The following HSD17B12 variants were observed in gnomAD, a reference collection of about 807,000 sequenced individuals.
HSD17B12 encodes hydroxysteroid 17-beta dehydrogenase 12.
A neutral mutation model predicts 39.3 loss-of-function variants in HSD17B12; 32 were observed. That is an observed-to-expected ratio of 0.81 (90% CI 0.61 to 1.09). The LOEUF (loss-of-function observed/expected upper bound fraction) is 1.09. HSD17B12 is among the 50% of genes least tolerant of loss of function. The pLI is 0.00. For synonymous variants in HSD17B12, 150 were observed against 146.7 expected (o/e 1.02, Z -0.16); for missense variants, 342 against 382.9 (o/e 0.89, Z 0.89).
chr11:43,595,837 A>C, the HSD17B12 span, among the ~76,000 whole-genome samples: 1 of 152,216 alleles, frequency 6.6e-6, no homozygotes, highest in Non-Finnish European at 1.5e-5. Context: ...ACACACACAG[A>C]GCGAGAGAGA....
At chr11:43,598,840 T>G in the HSD17B12 span, among the ~76,000 whole-genome samples, 1 of 152,168 alleles carries the variant, frequency 6.6e-6, no homozygotes, top group Non-Finnish European at 1.5e-5. Flanking sequence ...CAGCCATATA[T>G]GTACCTGTGT....
At chr11:43,711,789 T>C (rs754193557) in intron 1 of HSD17B12, among the ~76,000 whole-genome samples, 6 of 152,158 alleles carry the variant, frequency 3.9e-5, no homozygotes, top group Non-Finnish European at 7.3e-5. Flanking sequence ...GTGTGATGTA[T>C]TAATTTGAAG....
chr11:43,757,655 A>ACAAAC (rs1402448877), intron 3 of HSD17B12, among the ~76,000 whole-genome samples: 18 of 143,050 alleles, frequency 1.3e-4, no homozygotes, highest in African/African-American at 4.1e-4. Context: ...AAAAAAAAAA[A>ACAAAC]AAAAAAAAAA....
chr11:43,838,678 G>A (rs1246461416), intron 8 of HSD17B12, among the ~76,000 whole-genome samples: 3 of 152,090 alleles, frequency 2.0e-5, no homozygotes, highest in Non-Finnish European at 2.9e-5. Flanking sequence ...GATTTTGAAA[G>A]TGATACTTGT....
intron 1 of HSD17B12, among the ~76,000 whole-genome samples, chr11:43,706,766 A>G (rs1950020200): frequency 1.3e-5 from 2 of 150,244 alleles, no homozygotes; most frequent in African/African-American, 4.9e-5. Flanking sequence ...CTGGTTTTAT[A>G]GGAGAAATAC....
the HSD17B12 span, among the ~76,000 whole-genome samples, chr11:43,560,410 G>A: frequency 6.6e-6 from 1 of 152,164 alleles, no homozygotes; most frequent in Non-Finnish European, 1.5e-5. Flanking sequence ...CAAATACAGG[G>A]AAGGAACATA....
chr11:43,750,570 T>C (rs933624722), intron 1 of HSD17B12, among the ~76,000 whole-genome samples: 51 of 152,142 alleles, frequency 3.4e-4, no homozygotes, highest in African/African-American at 1.2e-3. Flanking sequence ...TTAATGCATT[T>C]CTGTCTCTTG....
the HSD17B12 span, chr11:43,646,467 C>A: frequency 6.6e-6 from 1 of 152,160 alleles, no homozygotes; most frequent in Non-Finnish European, 1.5e-5. Context: ...CTTAGGAAGA[C>A]CGGATGGCTA....
intron 4 of HSD17B12, among the ~76,000 whole-genome samples, chr11:43,804,587 T>G (rs1012735572): frequency 3.3e-5 from 5 of 152,316 alleles, no homozygotes; most frequent in African/African-American, 9.6e-5. Flanking sequence ...TTTTAATTGG[T>G]GTCCTTCCTT....
At chr11:43,558,640 G>A in the HSD17B12 span, among the ~76,000 whole-genome samples, 1 of 152,084 alleles carries the variant, frequency 6.6e-6, no homozygotes, top group Non-Finnish European at 1.5e-5. Context: ...TGGTTCAGAT[G>A]AGCCTGGAAA....
intron 7 of HSD17B12, chr11:43,834,224 G>C (rs1422725838): frequency 1.3e-5 from 2 of 152,052 alleles, no homozygotes; most frequent in East Asian, 1.9e-4. Flanking sequence ...CTCAGTCTTC[G>C]TGAGCATCTG....
At chr11:43,845,191 C>T (rs554522410) in intron 9 of HSD17B12, among the ~76,000 whole-genome samples, 1 of 152,306 alleles carries the variant, frequency 6.6e-6, no homozygotes, top group African/African-American at 2.4e-5. Context: ...ACTTTGTCAC[C>T]TAGGCTGGTC....
At chr11:43,854,966 T>A in intron 10 of HSD17B12, 102 bp downstream of exon 10, 1 of 1,252,584 alleles carries the variant, frequency 8.0e-7, no homozygotes, top group Non-Finnish European at 1.1e-6. Context: ...ATATACATTG[T>A]CCAGCCATAG....
At chr11:43,606,931 T>G in the HSD17B12 span, among the ~76,000 whole-genome samples, 2 of 152,132 alleles carry the variant, frequency 1.3e-5, no homozygotes, top group African/African-American at 4.8e-5. Flanking sequence ...ATGTGAGCAG[T>G]CTGTGTGATC....
At chr11:43,585,770 A>G in the HSD17B12 span, among the ~76,000 whole-genome samples, 1 of 152,190 alleles carries the variant, frequency 6.6e-6, no homozygotes, top group Non-Finnish European at 1.5e-5. Flanking sequence ...AGAGGTTCAC[A>G]TCTTCCTTCT....
At chr11:43,573,933 G>A in the HSD17B12 span, among the ~76,000 whole-genome samples, 1 of 152,208 alleles carries the variant, frequency 6.6e-6, no homozygotes, top group Non-Finnish European at 1.5e-5. Flanking sequence ...ATGACCCCAT[G>A]TGATAAGTCA....
At chr11:43,820,259 T>A (rs1011068114) in intron 6 of HSD17B12, among the ~76,000 whole-genome samples, 8 of 152,186 alleles carry the variant, frequency 5.3e-5, no homozygotes, top group African/African-American at 1.7e-4. Flanking sequence ...GACCTATGTT[T>A]TAGAAAGGCA....
chr11:43,750,653 G>A (rs889512609), intron 1 of HSD17B12, among the ~76,000 whole-genome samples: 3 of 152,084 alleles, frequency 2.0e-5, no homozygotes, highest in African/African-American at 7.2e-5. Flanking sequence ...CAAAATAATT[G>A]TACCAATTTA....
At chr11:43,782,019 G>A (rs1950770633) in intron 3 of HSD17B12, among the ~76,000 whole-genome samples, 1 of 152,172 alleles carries the variant, frequency 6.6e-6, no homozygotes, top group African/African-American at 2.4e-5. Flanking sequence ...GGGCACATAT[G>A]ATCTACTTTT....
Sources: gnomAD v4.1 joint callset for allele counts (sites outside exome capture counted in the v4.1 genomes callset) on GRCh38, gnomAD v4.1.1 for gene constraint, MANE v1.5 for transcripts, NCBI Gene and HGNC (gene_info 2026-07-23, HGNC 2026-07-21) for gene names.